Variants in ELMO1 observed in about 807,000 individuals in gnomAD.
ELMO1 encodes engulfment and cell motility 1.
Under a neutral mutation model 98.9 loss-of-function variants are expected in ELMO1, and 26 were observed. The observed-to-expected ratio is 0.26, with a 90% CI of 0.19 to 0.36. The LOEUF is 0.36. Ranked by LOEUF, ELMO1 falls within the 10% of genes least tolerant of loss-of-function variation. The pLI is 1.00. For missense variants in ELMO1, 627 were observed against 935.2 expected, an observed-to-expected ratio of 0.67 and a Z score of 4.30; for synonymous variants, 346 against 346.0, an observed-to-expected ratio of 1.00 and a Z score of 0.00.
At chr7:36,953,876 T>A (rs1788218306) in intron 16 of ELMO1, among the ~76,000 whole-genome samples, 1 of 146,060 alleles carries the variant, frequency 6.8e-6, no homozygotes, top group African/African-American at 2.7e-5. Context: ...TGTGTGTGTG[T>A]GTGTGTGTGT....
intron 4 of ELMO1, among the ~76,000 whole-genome samples, chr7:37,283,887 C>G (rs1024222498): frequency 9.9e-5 from 15 of 152,188 alleles, no homozygotes; most frequent in African/African-American, 3.4e-4. Flanking sequence ...TTTGAAGAAC[C>G]CTGGGGGACA....
chr7:37,401,925 T>C (rs1235856184), intron 1 of ELMO1, among the ~76,000 whole-genome samples: 2 of 152,186 alleles, frequency 1.3e-5, no homozygotes, highest in African/African-American at 2.4e-5. Context: ...GCTAAATTTC[T>C]CACAGTTCAT....
chr7:37,395,263 A>G (rs1803246852), intron 1 of ELMO1, among the ~76,000 whole-genome samples: 1 of 144,972 alleles, frequency 6.9e-6, no homozygotes, highest in South Asian at 2.3e-4. Flanking sequence ...GCTACTCAGG[A>G]GGGTGAGGCA....
chr7:37,072,522 T>G (rs898828433), intron 15 of ELMO1, among the ~76,000 whole-genome samples: 1 of 152,220 alleles, frequency 6.6e-6, no homozygotes, highest in Non-Finnish European at 1.5e-5. Context: ...TATAGGTCCC[T>G]CAATACTTAA....
At chr7:37,244,062 A>G (rs1249029258) in intron 7 of ELMO1, among the ~76,000 whole-genome samples, 1 of 152,172 alleles carries the variant, frequency 6.6e-6, no homozygotes, top group Non-Finnish European at 1.5e-5. Flanking sequence ...AATACATAAA[A>G]TTATGCTTAG....
intron 15 of ELMO1, among the ~76,000 whole-genome samples, chr7:37,067,625 A>G (rs1012996063): frequency 3.9e-5 from 6 of 152,352 alleles, no homozygotes; most frequent in Non-Finnish European, 7.4e-5. Flanking sequence ...CATTTAAAAC[A>G]TTAAAACAAC....
At chr7:36,871,880 C>T (rs1803537082) in intron 19 of ELMO1, among the ~76,000 whole-genome samples, 1 of 152,176 alleles carries the variant, frequency 6.6e-6, no homozygotes, top group Admixed American at 6.5e-5. Flanking sequence ...TTACTAACAA[C>T]TTTGTCCATA....
chr7:37,033,967 T>C (rs986043882), intron 15 of ELMO1, among the ~76,000 whole-genome samples: 1 of 152,176 alleles, frequency 6.6e-6, no homozygotes, highest in Non-Finnish European at 1.5e-5. Flanking sequence ...AAAAAAAAAT[T>C]AGAGCATTAG....
intron 14 of ELMO1, among the ~76,000 whole-genome samples, chr7:37,131,474 C>T (rs1398010799): frequency 6.6e-6 from 1 of 152,166 alleles, no homozygotes; most frequent in Non-Finnish European, 1.5e-5. Context: ...GCTTCTTATG[C>T]AATTAACAAT....
At chr7:37,392,145 T>G (rs984427602) in intron 1 of ELMO1, among the ~76,000 whole-genome samples, 2 of 152,008 alleles carry the variant, frequency 1.3e-5, no homozygotes, top group African/African-American at 4.8e-5. Context: ...ATGGTAAACT[T>G]TTTTTTTTAA....
At chr7:37,260,196 T>G (rs1467947707) in intron 5 of ELMO1, among the ~76,000 whole-genome samples, 2 of 152,236 alleles carry the variant, frequency 1.3e-5, no homozygotes, top group African/African-American at 4.8e-5. Flanking sequence ...TTTTGCTTAA[T>G]ACAGATAACC....
chr7:37,263,518 T>G (rs1796085860), intron 5 of ELMO1, among the ~76,000 whole-genome samples: 1 of 152,194 alleles, frequency 6.6e-6, no homozygotes, highest in Non-Finnish European at 1.5e-5. Context: ...CAAATATTGA[T>G]GTTTCATAGC....
At chr7:37,381,267 C>T (rs867853720) in intron 1 of ELMO1, among the ~76,000 whole-genome samples, 12 of 152,264 alleles carry the variant, frequency 7.9e-5, no homozygotes, top group African/African-American at 2.7e-4. Flanking sequence ...TCCAACTTCA[C>T]AGTCCGTGTC....
chr7:37,108,546 C>A (rs1393276094), intron 14 of ELMO1, among the ~76,000 whole-genome samples: 1 of 152,222 alleles, frequency 6.6e-6, no homozygotes, highest in African/African-American at 2.4e-5. Flanking sequence ...GTACAGGCTT[C>A]ATTGCAGAGA....
intron 16 of ELMO1, among the ~76,000 whole-genome samples, chr7:36,948,442 G>T (rs1412939423): frequency 6.6e-6 from 1 of 152,158 alleles, no homozygotes; most frequent in African/African-American, 2.4e-5. Context: ...TCCTTACAAA[G>T]GTTCTACAGA....
At chr7:37,339,688 C>T (rs1186781070) in intron 2 of ELMO1, among the ~76,000 whole-genome samples, 1 of 152,110 alleles carries the variant, frequency 6.6e-6, no homozygotes, top group East Asian at 1.9e-4. Flanking sequence ...TTCCATAAGT[C>T]TCATTGTAAT....
chr7:37,269,232 T>C (rs556665096), intron 5 of ELMO1, among the ~76,000 whole-genome samples: 2 of 152,230 alleles, frequency 1.3e-5, no homozygotes, highest in Non-Finnish European at 2.9e-5. Context: ...TTCTCAATTC[T>C]AGACCCTGTG....
intron 16 of ELMO1, among the ~76,000 whole-genome samples, chr7:36,907,856 C>T (rs1038090847): frequency 6.6e-6 from 1 of 152,192 alleles, no homozygotes; most frequent in Non-Finnish European, 1.5e-5. Flanking sequence ...CAAGTAGCCA[C>T]CACCAATCCG....
chr7:37,381,193 T>C (rs1253589416), intron 1 of ELMO1, among the ~76,000 whole-genome samples: 1 of 152,210 alleles, frequency 6.6e-6, no homozygotes, highest in African/African-American at 2.4e-5. Flanking sequence ...AATCTGCCAA[T>C]AGCACAGATA....
Sources: allele counts gnomAD v4.1 joint callset (sites outside exome capture counted in the v4.1 genomes callset), GRCh38; gene constraint gnomAD v4.1.1; transcripts MANE v1.5; gene names NCBI Gene and HGNC (gene_info 2026-07-23, HGNC 2026-07-21).